The following DENND5B variants were observed in gnomAD, a reference collection of about 807,000 sequenced individuals.
The protein encoded by DENND5B is DENN domain containing 5B.
A neutral mutation model predicts 140.6 loss-of-function variants in DENND5B; 34 were observed. The ratio of observed to expected loss-of-function variants is 0.24; its 90% confidence interval spans 0.18 to 0.32. The LOEUF (loss-of-function observed/expected upper bound fraction) is 0.32. DENND5B is among the 10% of genes least tolerant of loss of function. The pLI, the probability that DENND5B is intolerant of heterozygous loss-of-function variation, is 1.00. For synonymous variants in DENND5B, 551 were observed against 562.1 expected (o/e 0.98, Z 0.28); for missense variants, 1,142 against 1,560.2 (o/e 0.73, Z 4.52).
chr12:31,531,159 C>T (rs975068704), intron 1 of DENND5B, among the ~76,000 whole-genome samples: 2 of 152,066 alleles, frequency 1.3e-5, no homozygotes, highest in Non-Finnish European at 2.9e-5. Context: ...CTTTTATATC[C>T]TACTACGAGT....
chr12:31,585,782 C>T (rs1218169713), intron 1 of DENND5B, among the ~76,000 whole-genome samples: 1 of 152,208 alleles, frequency 6.6e-6, no homozygotes, highest in Non-Finnish European at 1.5e-5. Context: ...TTGAAAACCA[C>T]ACCCAACACA....
Position 31,447,676 on chromosome 12 carries a change from T to A in DENND5B, c.1723A>T (p.Ile575Phe), listed in dbSNP as rs1441465206. The A allele has an allele frequency of 6.2e-7, 1 of 1,613,516 alleles. No homozygotes were observed. Among genetic ancestry groups the A allele is most frequent in the South Asian group, 1.1e-5 (1 of 90,912 alleles). The change falls in exon 6 of 21, where the codon ATT (isoleucine) becomes TTT (phenylalanine). Residue 575 changes from isoleucine to phenylalanine, a missense_variant. Physicochemically the swap from Ile to Phe is conservative, Grantham distance 21. Coordinates refer to ENST00000389082, the MANE Select transcript of DENND5B (RefSeq NM_144973.4). ...TCTTTCTCTTCCCACTGAGACATAA[T>A]TTTATTATCAATAAAGGTGGCAAAC... The part of the protein sequence containing the change: ...QMFATFIDNK[I>F]MSQWEEKDPL...
chr12:31,392,426 A>G, intron 18 of DENND5B, 33 bp from the exon 19 acceptor site: 1 of 1,607,582 alleles, frequency 6.2e-7, no homozygotes, highest in Non-Finnish European at 8.5e-7. Flanking sequence ...CCAAAGAAAA[A>G]TCTCCTGCAT....
At chr12:31,470,856 A>G (rs1411455616) in intron 3 of DENND5B, among the ~76,000 whole-genome samples, 1 of 152,148 alleles carries the variant, frequency 6.6e-6, no homozygotes, top group African/African-American at 2.4e-5. Context: ...GGACAATGAG[A>G]GGGTGGGGAA....
chr12:31,413,427 G>C lies in DENND5B; in HGVS notation c.2681+9C>G. On this transcript the variant is annotated intron_variant, in intron 13 of 20. Coordinates refer to ENST00000389082, the MANE Select transcript of DENND5B (RefSeq NM_144973.4). ...TAGAAACAGAAATGTATCAAAGATG[G>C]TATCTTACTTGGTGAGTGGTTGGTT... The C allele has an allele frequency of 6.2e-7, 1 of 1,608,144 alleles. No individual in the cohort carries two copies. Among genetic ancestry groups the C allele is most frequent in the African/African-American group, 1.3e-5 (1 of 74,766 alleles).
At chr12:31,536,102 C>T (rs1948484551) in intron 1 of DENND5B, among the ~76,000 whole-genome samples, 4 of 152,158 alleles carry the variant, frequency 2.6e-5, no homozygotes, top group Admixed American at 2.6e-4. Context: ...CTTTGACTTC[C>T]ACCATGATTC....
intron 1 of DENND5B, among the ~76,000 whole-genome samples, chr12:31,535,572 C>T (rs74754189): frequency 0.017 from 2,563 of 152,222 alleles, 74 homozygotes; most frequent in African/African-American, 0.058. Context: ...TCTACAAATC[C>T]GCAAGAACCA....
At chr12:31,581,576 C>T (rs546216435) in intron 1 of DENND5B, among the ~76,000 whole-genome samples, 1 of 151,786 alleles carries the variant, frequency 6.6e-6, no homozygotes, top group Non-Finnish European at 1.5e-5. Flanking sequence ...GCCTGTAATC[C>T]CAGCTATTCG....
At position 31,494,135 on chromosome 12, in the gene DENND5B, ATCT is replaced by A. The variant is rs541387064; in HGVS notation, c.237+1672_237+1674del. Among the ~76,000 whole-genome samples, 74 of 149,072 alleles carry A rather than the reference ATCT, an allele frequency of 5.0e-4. 1 individual carries two copies. In the East Asian group the frequency reaches 8.5e-3, roughly 17 times the overall value. On this transcript the variant is annotated intron_variant, in intron 2 of 20. Transcript: ENST00000389082. ...CCCTCTCAAGGTTGACTATCTCTCT[ATCT>A]TCTATCTATCTATCTATCTATCTAT...
At chr12:31,551,274 C>T (rs1949050964) in intron 1 of DENND5B, among the ~76,000 whole-genome samples, 2 of 152,074 alleles carry the variant, frequency 1.3e-5, no homozygotes, top group Admixed American at 6.6e-5. Context: ...TTCAGCTTTC[C>T]ACATATGGCT....
chr12:31,387,850 G>A, intron 20 of DENND5B, 64 bp from the exon 21 acceptor site: 1 of 1,521,870 alleles, frequency 6.6e-7, no homozygotes, highest in Non-Finnish European at 8.9e-7. Context: ...AAGGCACACA[G>A]TGGAGTCTGT....
At chr12:31,546,289 G>C (rs1948858089) in intron 1 of DENND5B, among the ~76,000 whole-genome samples, 1 of 151,934 alleles carries the variant, frequency 6.6e-6, no homozygotes, top group African/African-American at 2.4e-5. Context: ...ACCATTTTCT[G>C]AACATTTCCC....
At chr12:31,583,294 A>T (rs1244032797) in intron 1 of DENND5B, among the ~76,000 whole-genome samples, 5 of 106,782 alleles carry the variant, frequency 4.7e-5, no homozygotes, top group South Asian at 3.4e-4. Context: ...TCAGTCTTTT[A>T]AAAAAAAAAA....
chr12:31,587,690 C>T (rs1357084789), intron 1 of DENND5B, among the ~76,000 whole-genome samples: 2 of 151,994 alleles, frequency 1.3e-5, no homozygotes, highest in Non-Finnish European at 2.9e-5. Context: ...TGGGATATTA[C>T]AGGCATGTGC....
chr12:31,426,554 A>T, intron 8 of DENND5B, 130 bp from the exon 9 acceptor site: 1 of 1,061,270 alleles, frequency 9.4e-7, no homozygotes, highest in Non-Finnish European at 1.3e-6. Flanking sequence ...ATATAACAAC[A>T]ATTAATGTTT....
At chr12:31,554,866 T>C (rs912963667) in intron 1 of DENND5B, among the ~76,000 whole-genome samples, 8 of 152,126 alleles carry the variant, frequency 5.3e-5, no homozygotes, top group African/African-American at 1.9e-4. Context: ...CTGAGGCTTC[T>C]GCATTCGTCA....
chr12:31,520,038 A>C (rs1326515846), intron 1 of DENND5B, among the ~76,000 whole-genome samples: 1 of 152,238 alleles, frequency 6.6e-6, no homozygotes, highest in Admixed American at 6.5e-5. Flanking sequence ...GAACATGGCA[A>C]AAAAATTTTA....
At chr12:31,574,344 C>T (rs1385552857) in intron 1 of DENND5B, among the ~76,000 whole-genome samples, 1 of 150,708 alleles carries the variant, frequency 6.6e-6, no homozygotes, top group African/African-American at 2.4e-5. Context: ...AATCCCAGCA[C>T]TTTGGGAGGC....
At position 31,387,673 on chromosome 12, in the gene DENND5B, C is replaced by T. The variant is rs369858605; in HGVS notation, c.3755G>A (p.Arg1252Gln). 4 of 1,613,892 alleles carry T rather than the reference C, an allele frequency of 2.5e-6. No homozygotes were observed. The highest frequency in any genetic ancestry group is 3.4e-6 in the Non-Finnish European group (4 of 1,179,904). The change falls in exon 21 of 21, where the codon CGA (arginine) becomes CAA (glutamine). Residue 1252 changes from arginine to glutamine, a missense_variant. Transcript: ENST00000389082. ...GAAGTCCTGAATGGTCTGCAGAATTCGGATAAGGGAGTTGACAGTCATGCG... is the reference window on the plus strand; with the variant it reads ...GAAGTCCTGAATGGTCTGCAGAATTTGGATAAGGGAGTTGACAGTCATGCG... ...RDRMTVNSLI[R>Q]ILQTIQDFTI...
Sources: allele counts gnomAD v4.1 joint callset (sites outside exome capture counted in the v4.1 genomes callset), GRCh38; gene constraint gnomAD v4.1.1; transcripts MANE v1.5; gene names NCBI Gene and HGNC (gene_info 2026-07-23, HGNC 2026-07-21).